The following SPTBN2 variants were observed in gnomAD, a reference collection of about 807,000 sequenced individuals.
SPTBN2 encodes the protein spectrin beta chain, non-erythrocytic 2.
In SPTBN2, 107 loss-of-function variants were observed where a neutral mutation model predicts 284.2. The observed-to-expected ratio is 0.38, with a 90% confidence interval of 0.32 to 0.44. The LOEUF (loss-of-function observed/expected upper bound fraction) is 0.44, where lower values mean the gene tolerates loss of function less well. Ranked by LOEUF, SPTBN2 falls within the 20% of genes least tolerant of loss-of-function variation. The pLI, the probability that SPTBN2 is intolerant of heterozygous loss-of-function variation, is 1.00. For missense variants in SPTBN2, 2,569 were observed against 3,287.1 expected, an observed-to-expected ratio of 0.78 and a Z score of 5.34; for synonymous variants, 1,289 against 1,354.8, an observed-to-expected ratio of 0.95 and a Z score of 1.07.
intron 10 of SPTBN2, among the ~76,000 whole-genome samples, chr11:66,709,889 C>T (rs190949124): frequency 6.6e-5 from 10 of 152,312 alleles, no homozygotes; most frequent in Non-Finnish European, 8.8e-5. Context: ...GCAATTCTCA[C>T]GTTACCAGCC....
chr11:66,730,873 G>A (rs1469849360), upstream of SPTBN2, among the ~76,000 whole-genome samples: 1 of 152,160 alleles, frequency 6.6e-6, no homozygotes, highest in Non-Finnish European at 1.5e-5. Flanking sequence ...GAATGTACAA[G>A]TTCACAGAAT....
Position 66,687,950 on chromosome 11 carries a change from CG to C in SPTBN2, c.6451-33del. The stretch of plus-strand genomic sequence containing the variant: ...GGACAAGAATCTGTAAAAGGATGTG[CG>C]GGGGTGGAGGGGCTACGACTCCGAT... On this transcript the variant is annotated intron_variant, in intron 33 of 37. Coordinates refer to ENST00000533211, the MANE Select transcript of SPTBN2 (RefSeq NM_006946.4). This position sits in a 1 kb window ranked among gnomAD's most constrained non-coding sequence, Gnocchi z 5.2. The C allele has an allele frequency of 6.2e-7, 1 of 1,614,102 alleles. No individual in the cohort carries two copies. Among genetic ancestry groups the C allele is most frequent in the Non-Finnish European group, 8.5e-7 (1 of 1,180,002 alleles).
intron 36 of SPTBN2, 35 bp downstream of exon 36, chr11:66,686,959 C>G (rs1183365919): frequency 1.2e-6 from 2 of 1,612,772 alleles, no homozygotes; most frequent in African/African-American, 2.7e-5. Context: ...TCCCAACTCT[C>G]CTCCCATCCC....
rs771691919 is a variant in SPTBN2, at chr11:66,689,889, C to T, written c.5865G>A (p.Glu1955=). ...VIKNQQGIKA[E]IEARADRFSS... ...AGAAGCGGTCTGCCCGGGCCTCTAT[C>T]TCTGCCTTGATGCCTTGCTGGTTCT... Residue 1955 remains glutamate, a synonymous_variant, in exon 29 of 38, where the codon GAG becomes GAA. Transcript: ENST00000533211. 6.2e-7 allele frequency: 1 copy of T among 1,614,196 alleles called. No individual in the cohort carries two copies. Among genetic ancestry groups the T allele is most frequent in the Non-Finnish European group, 8.5e-7 (1 of 1,180,036 alleles).
At chr11:66,719,768 T>C (rs1023662113) in intron 3 of SPTBN2, among the ~76,000 whole-genome samples, 2 of 152,194 alleles carry the variant, frequency 1.3e-5, no homozygotes, top group African/African-American at 4.8e-5. Flanking sequence ...TGTACACACA[T>C]AGACATCATG....
intron 1 of SPTBN2, among the ~76,000 whole-genome samples, chr11:66,738,219 A>AAAAC (rs1211186751): frequency 1.3e-5 from 2 of 152,216 alleles, no homozygotes; most frequent in Non-Finnish European, 2.9e-5. Flanking sequence ...CGGTCTCAAA[A>AAAAC]AAACAAACAA....
rs1452982421 is a variant in SPTBN2 at position 66,687,671 on chromosome 11, T to A, written c.6502-24A>T. 2 of 1,580,262 alleles carry A rather than the reference T, an allele frequency of 1.3e-6. No individual in the cohort carries two copies. The highest frequency in any genetic ancestry group is 1.7e-6 in the Non-Finnish European group (2 of 1,163,052). ...CCCTGGGGGGGAATCAGTGTCAGTGTCAAAGGTTGAGACGGGAGATCCCTA... is the reference window on the plus strand; with the variant it reads ...CCCTGGGGGGGAATCAGTGTCAGTGACAAAGGTTGAGACGGGAGATCCCTA... On this transcript the variant is annotated intron_variant, in intron 34 of 37. Transcript: ENST00000533211. This position sits in a 1 kb window ranked among gnomAD's most constrained non-coding sequence, Gnocchi z 5.2.
upstream of SPTBN2, among the ~76,000 whole-genome samples, chr11:66,730,030 G>A (rs2135601208): frequency 6.6e-6 from 1 of 152,214 alleles, no homozygotes; most frequent in Non-Finnish European, 1.5e-5. Flanking sequence ...TTGAACTCCT[G>A]ACCTCAGGTG....
Position 66,696,319 on chromosome 11 carries a change from G to T in SPTBN2, c.4236C>A (p.Gly1412=). ...GGATGTTGACGCTGGTGAGGTCCTT[G>T]CCGTAGTCATCCGAGTGCAGCTGGG... ...LQAQLHSDDY[G]KDLTSVNILL... Residue 1412 remains glycine, a synonymous_variant, in exon 21 of 38, where the codon GGC becomes GGA. Coordinates refer to ENST00000533211, the MANE Select transcript of SPTBN2 (RefSeq NM_006946.4). 1 of 1,613,132 alleles carries T rather than the reference G, an allele frequency of 6.2e-7. No homozygotes were observed.
In SPTBN2 at chr11:66,685,599, A is replaced by G. The variant is rs1590900652; in HGVS notation, c.*272T>C. ...CACTGTCCACACCGTGGTGAGGGACAGAGGCACGAGGCTGGGGAAAGGGGA... is the reference window on the plus strand; with the variant it reads ...CACTGTCCACACCGTGGTGAGGGACGGAGGCACGAGGCTGGGGAAAGGGGA... On this transcript the variant is annotated 3_prime_UTR_variant, in exon 38 of 38. Coordinates refer to ENST00000533211, the MANE Select transcript of SPTBN2 (RefSeq NM_006946.4). The surrounding 1 kb of genome is among the most constrained non-coding windows in gnomAD (Gnocchi z 4.4). The G allele has an allele frequency of 2.2e-6, 1 of 462,732 alleles. No individual in the cohort carries two copies. The highest frequency in any genetic ancestry group is 4.4e-5 in the East Asian group (1 of 22,714). 28.7% of individuals were successfully genotyped at this position (462,732 alleles called of 1,614,324 possible).
intron 15 of SPTBN2, among the ~76,000 whole-genome samples, chr11:66,703,972 CTTTTTTT>C (rs11286358): frequency 1.8e-5 from 2 of 109,726 alleles, no homozygotes; most frequent in African/African-American, 6.4e-5. Flanking sequence ...TATTTCTTTT[CTTTTTTT>C]TTTTTTTTTT....
intron 1 of SPTBN2, 146 bp from the exon 2 acceptor site, chr11:66,721,586 C>T: frequency 2.5e-6 from 1 of 402,410 alleles, no homozygotes; most frequent in Non-Finnish European, 4.7e-6. Context: ...TGATGGGCTT[C>T]AGTGCTTCAG....
In SPTBN2 at chr11:66,701,088, G is replaced by T; in HGVS notation, c.3011C>A (p.Thr1004Lys). 2 of 1,612,380 alleles carry T rather than the reference G, an allele frequency of 1.2e-6. No homozygotes were observed. The highest frequency in any genetic ancestry group is 8.5e-7 in the Non-Finnish European group (1 of 1,180,008). Reference protein sequence around the residue: ...VLALQRKLAGTERDLEAIAAR... With the variant: ...VLALQRKLAGKERDLEAIAAR... ...GGCGATGGCCTCCAGGTCCCGCTCC[G>T]TGCCGGCCAGCTTGCGCTGCAGGGC... is the stretch of plus-strand genomic sequence containing the variant. Residue 1004 changes from threonine (T) to lysine (K), a missense_variant, in exon 17 of 38, where the codon ACG becomes AAG. Physicochemically the swap from Thr to Lys is moderately conservative, Grantham distance 78. This residue lies in a region of SPTBN2 where 1,012 missense variants were observed against 1,248.9 expected (regional missense o/e 0.81). Coordinates refer to ENST00000533211, the MANE Select transcript of SPTBN2 (RefSeq NM_006946.4).
intron 13 of SPTBN2, among the ~76,000 whole-genome samples, chr11:66,706,418 C>T (rs571342394): frequency 1.2e-4 from 19 of 152,328 alleles, no homozygotes; most frequent in African/African-American, 4.3e-4. Context: ...GCAACCTCCA[C>T]CTCCCAGGTC....
At chr11:66,716,114 A>C in intron 3 of SPTBN2, 133 bp from the exon 4 acceptor site, 3 of 1,192,966 alleles carry the variant, frequency 2.5e-6, no homozygotes, top group Non-Finnish European at 3.7e-6. Context: ...GAGGAAGGGA[A>C]GGAAGATGAC....
At chr11:66,717,576 C>T (rs1019701616) in intron 3 of SPTBN2, among the ~76,000 whole-genome samples, 8 of 152,192 alleles carry the variant, frequency 5.3e-5, no homozygotes, top group African/African-American at 1.9e-4. Flanking sequence ...CCCCAGCACC[C>T]ATGAAACCAA....
rs913304481 is a variant in SPTBN2 at position 66,715,875 on chromosome 11, T to C, written c.264A>G (p.Gly88=). 6.2e-6 allele frequency: 10 copies of C among 1,613,896 alleles called. No individual in the cohort carries two copies. In the African/African-American group the frequency reaches 1.2e-4, roughly 19 times the overall value. The change falls in exon 4 of 38, where the codon GGA becomes GGG. Residue 88 remains glycine, a synonymous_variant. Coordinates refer to ENST00000533211, the MANE Select transcript of SPTBN2 (RefSeq NM_006946.4). The surrounding 1 kb of genome is among the most constrained non-coding windows in gnomAD (Gnocchi z 5.3). Reference sequence around the variant, plus strand: ...CCTCGAGGAGCCTCAGCAGGTTGCGTCCGTCCCGGAGGTCGCTGTACAGGT... The same window carrying C: ...CCTCGAGGAGCCTCAGCAGGTTGCGCCCGTCCCGGAGGTCGCTGTACAGGT... ...VGDLYSDLRD[G]RNLLRLLEVL... is the part of the protein sequence containing the mutation.
Position 66,693,818 on chromosome 11 carries a change from T to A in SPTBN2, c.4547A>T (p.His1516Leu). The A allele has an allele frequency of 6.2e-7, 1 of 1,613,908 alleles. No homozygotes were observed. Among genetic ancestry groups the A allele is most frequent in the Non-Finnish European group, 8.5e-7 (1 of 1,179,916 alleles). ...CTGGACGCTGGGCAGGTCCTTGCCA[T>A]GCTCCATGGAGCTGGCCATGGGCAG... is the stretch of plus-strand genomic sequence containing the variant. ...ERLPMASSME[H>L]GKDLPSVQLL... is the part of the protein sequence containing the mutation. The change falls in exon 23 of 38, where the codon CAT becomes CTT. Residue 1516 changes from histidine (H) to leucine (L), a missense_variant. Physicochemically the swap from His to Leu is moderately conservative, Grantham distance 99. Transcript: ENST00000533211. This position sits in a 1 kb window ranked among gnomAD's most constrained non-coding sequence, Gnocchi z 5.7.
intron 37 of SPTBN2, 71 bp from the exon 38 acceptor site, chr11:66,686,175 A>G: frequency 6.7e-7 from 1 of 1,499,998 alleles, no homozygotes; most frequent in Non-Finnish European, 9.2e-7. Flanking sequence ...ACAGCAGGGA[A>G]GTGTAAGAGG....
Sources: gnomAD v4.1 joint callset for allele counts (sites outside exome capture counted in the v4.1 genomes callset) on GRCh38, gnomAD v4.1.1 for gene constraint, gnomAD v4.1.1 regional missense constraint, Gnocchi (gnomAD v3.1) non-coding constraint, MANE v1.5 for transcripts, NCBI Gene and HGNC (gene_info 2026-07-23, HGNC 2026-07-21) for gene names.